Variants in GSE1 observed in about 807,000 individuals in gnomAD.
The protein encoded by GSE1 is Gse1 coiled-coil protein.
In GSE1, 32 loss-of-function variants were observed where a neutral mutation model predicts 112.6. The observed-to-expected ratio is 0.28, with a 90% CI of 0.21 to 0.38. The LOEUF (loss-of-function observed/expected upper bound fraction) is 0.38. Among genes scored for constraint, GSE1 ranks in the 10% least tolerant of loss-of-function variants. GSE1 has a pLI of 1.00. For synonymous variants in GSE1, 1,115 were observed against 735.6 expected (o/e 1.52, Z -8.35); for missense variants, 2,348 against 1,699.2 (o/e 1.38, Z -6.71).
At chr16:85,427,052 A>C (rs1434642429) in intron 2 of GSE1, among the ~76,000 whole-genome samples, 1 of 152,134 alleles carries the variant, frequency 6.6e-6, no homozygotes, top group Non-Finnish European at 1.5e-5. Flanking sequence ...CCCACCTATG[A>C]GCCCAGACCT....
chr16:85,420,668 T>C (rs778234435), intron 2 of GSE1, among the ~76,000 whole-genome samples: 8 of 152,190 alleles, frequency 5.3e-5, no homozygotes, highest in Non-Finnish European at 1.0e-4. Context: ...ATGCTGGTGC[T>C]CAGATTCCAC....
chr16:85,594,429 C>T (rs1282442894), intron 1 of GSE1: 4 of 152,080 alleles, frequency 2.6e-5, no homozygotes, highest in Non-Finnish European at 4.4e-5. Flanking sequence ...CAGGGCCTTC[C>T]TTGGGGCTGC....
Position 85,467,507 on chromosome 16 carries a change from G to A in GSE1, c.2464+109864G>A, listed in dbSNP as rs145066231. ...GGGCTGGGTTGGGGAGCATCTTGCC[G>A]ATTCCCTACTTGTGCCTGGTGTTTG... On this transcript the variant is annotated intron_variant, in intron 2 of 2. Coordinates refer to the GSE1 transcript ENST00000637419. Among the ~76,000 whole-genome samples the A allele has an allele frequency of 2.3e-3, 355 of 152,256 alleles. 2 individuals are homozygous for A. The highest frequency in any genetic ancestry group is 2.8e-3 in the Non-Finnish European group (192 of 68,030).
At position 85,635,925 on chromosome 16, in the gene GSE1, G is replaced by A. The variant is rs567091119; in HGVS notation, c.226+1793G>A. 2.7e-4 allele frequency among the ~76,000 whole-genome samples: 40 copies of A among 148,390 alleles called. 1 individual carries two copies. In the East Asian group the frequency reaches 4.0e-3, roughly 15 times the overall value. On this transcript the variant is annotated intron_variant, in intron 2 of 15. Coordinates refer to ENST00000253458, the MANE Select transcript of GSE1 (RefSeq NM_014615.5). Reference sequence around the variant, plus strand: ...CCTGGGCCCAGCAGCGGCCGTGGGCGTCACAGCAGGAGCCTGCTCACAGGG... The same window carrying A: ...CCTGGGCCCAGCAGCGGCCGTGGGCATCACAGCAGGAGCCTGCTCACAGGG...
intron 14 of GSE1, 122 bp from the exon 15 acceptor site, chr16:85,670,873 T>C: frequency 1.5e-6 from 1 of 660,442 alleles, no homozygotes; most frequent in Admixed American, 2.5e-5. Flanking sequence ...AGGAGAGGCC[T>C]TCGCTGGCTG....
rs2049138557 is a variant in GSE1, at chr16:85,627,053, T to TTTTTTTTTTTTC, written c.8-6850_8-6849insCTTTTTTTTTTT. Among the ~76,000 whole-genome samples the TTTTTTTTTTTTC allele has an allele frequency of 5.8e-5, 5 of 86,948 alleles. 1 individual carries two copies. The highest frequency in any genetic ancestry group is 2.5e-4 in the Admixed American group (2 of 8,006). The allele number at this position is 86,948 out of a possible 152,430, so 57.0% of individuals were successfully genotyped here. A position where few individuals can be genotyped will look rare whatever the true frequency, so the allele number is the denominator to read the frequency against. The stretch of plus-strand genomic sequence containing the variant: ...TTCCTTTTCTTCTTGCCTTTTTTTT[T>TTTTTTTTTTTTC]TTTTTTTTTTTTTTTTTTTTTTTAA... On this transcript the variant is annotated intron_variant, in intron 1 of 15. Transcript: ENST00000253458.
At chr16:85,556,090 C>T (rs1393058180) in exon 1 of GSE1, 4 of 984,190 alleles carry the variant, frequency 4.1e-6, no homozygotes, top group Non-Finnish European at 4.8e-6. Flanking sequence ...CCAAGGTGGC[C>T]GAAATTGCCT....
chr16:85,564,742 A>G (rs1057384823), intron 1 of GSE1, among the ~76,000 whole-genome samples: 1 of 152,160 alleles, frequency 6.6e-6, no homozygotes, highest in Non-Finnish European at 1.5e-5. Context: ...AAGGAACAGT[A>G]GGAGAGAATG....
intron 2 of GSE1, among the ~76,000 whole-genome samples, chr16:85,529,152 C>T (rs771225775): frequency 1.6e-4 from 24 of 151,698 alleles, no homozygotes; most frequent in East Asian, 5.8e-4. Flanking sequence ...GGTCCAATTC[C>T]GGATGTGCAG....
intron 1 of GSE1, among the ~76,000 whole-genome samples, chr16:85,586,648 C>T (rs1033002355): frequency 2.6e-5 from 4 of 152,346 alleles, no homozygotes; most frequent in Middle Eastern, 6.8e-3. Context: ...CGCGCCCCCC[C>T]GACTGCCGTG....
rs1555510024 is a variant in GSE1, at chr16:85,426,060, T to TGGATGGAA, written c.2464+68424_2464+68425insAGGATGGA. Among the ~76,000 whole-genome samples the TGGATGGAA allele has an allele frequency of 5.6e-4, 77 of 137,876 alleles. 1 individual carries two copies. The highest frequency in any genetic ancestry group is 1.9e-3 in the African/African-American group (73 of 39,004). 90.5% of individuals were successfully genotyped at this position (137,876 alleles called of 152,430 possible). ...ATGGATGGATGGATGGATGGATGGA[T>TGGATGGAA]GGATGGATGGATGGGTAGATGGATG... On this transcript the variant is annotated intron_variant, in intron 2 of 2. Transcript: ENST00000637419.
At chr16:85,538,740 G>A (rs1162930755) in intron 2 of GSE1, among the ~76,000 whole-genome samples, 1 of 152,172 alleles carries the variant, frequency 6.6e-6, no homozygotes, top group Non-Finnish European at 1.5e-5. Context: ...TCTTGGAAAA[G>A]GATCTGGGAG....
At chr16:85,283,883 C>T (rs896709178) in intron 1 of GSE1, among the ~76,000 whole-genome samples, 10 of 152,216 alleles carry the variant, frequency 6.6e-5, no homozygotes, top group African/African-American at 2.4e-4. Flanking sequence ...GGGCTTTAAT[C>T]TCAGGCCGTC....
At chr16:85,575,138 G>C (rs2046175084) in intron 1 of GSE1, among the ~76,000 whole-genome samples, 1 of 151,846 alleles carries the variant, frequency 6.6e-6, no homozygotes, top group African/African-American at 2.4e-5. Flanking sequence ...ACACCTTGGC[G>C]CTACAGAATG....
rs556640287 is a variant in GSE1, at chr16:85,308,531, G to A, written c.2284-48932G>A. Among the ~76,000 whole-genome samples, 13 of 152,216 alleles carry A rather than the reference G, an allele frequency of 8.5e-5. 1 individual carries two copies. The East Asian group carries it at 1.4e-3, about 16-fold the overall frequency. ...AGAAAACAAACTCCTCGGGGACTTC[G>A]AAAGGAGCTCTCACCATAGCTCCTG... is the stretch of plus-strand genomic sequence containing the variant. On this transcript the variant is annotated intron_variant, in intron 1 of 2. Transcript: ENST00000637419.
intron 2 of GSE1, among the ~76,000 whole-genome samples, chr16:85,426,702 G>GGGGA (rs1555510173): frequency 7.4e-5 from 11 of 148,634 alleles, no homozygotes; most frequent in Non-Finnish European, 1.5e-4. Flanking sequence ...AGATGGGTGG[G>GGGGA]TGGATGGATG....
Position 85,311,346 on chromosome 16 carries a change from C to T in GSE1, c.2284-46117C>T, listed in dbSNP as rs2045840431. Among the ~76,000 whole-genome samples the T allele has an allele frequency of 6.6e-6, 1 of 152,196 alleles. No individual in the cohort carries two copies. Among genetic ancestry groups the T allele is most frequent in the Non-Finnish European group, 1.5e-5 (1 of 68,018 alleles). ...GTCGTTAGAGCAGAAACGGTGGTGG[C>T]AGGACCCAAGACTGTGCAGTTCTAA... On this transcript the variant is annotated intron_variant, in intron 1 of 2. Transcript: ENST00000637419. The surrounding 1 kb of genome is among the most constrained non-coding windows in gnomAD (Gnocchi z 4.2).
intron 2 of GSE1, among the ~76,000 whole-genome samples, chr16:85,444,190 C>T (rs567863402): frequency 3.3e-5 from 5 of 152,174 alleles, no homozygotes; most frequent in South Asian, 2.1e-4. Flanking sequence ...TTCACCATGT[C>T]GGCCAGGATG....
intron 2 of GSE1, among the ~76,000 whole-genome samples, chr16:85,455,450 A>T (rs1243971916): frequency 6.6e-6 from 1 of 152,188 alleles, no homozygotes; most frequent in Non-Finnish European, 1.5e-5. Context: ...CACCCAGTGT[A>T]GGGCTGGGGA....
Sources: allele counts gnomAD v4.1 joint callset (sites outside exome capture counted in the v4.1 genomes callset), GRCh38; gene constraint gnomAD v4.1.1; non-coding constraint Gnocchi (gnomAD v3.1); transcripts MANE v1.5; gene names NCBI Gene and HGNC (gene_info 2026-07-23, HGNC 2026-07-21).